ZDBF2: variants seen among roughly 807,000 people sequenced by gnomAD.
ZDBF2 encodes DBF4-type zinc finger-containing protein 2.
In ZDBF2, 6 loss-of-function variants were observed where a neutral mutation model predicts 9.4. That is an observed-to-expected ratio of 0.64 (90% confidence interval 0.35 to 1.27). The LOEUF is 1.27. ZDBF2 is among the 50% of genes most tolerant of loss of function. The pLI is 0.03. For missense variants in ZDBF2, 2,697 were observed against 2,766.8 expected (o/e 0.97, Z 0.57); for synonymous variants, 905 against 946.3 (o/e 0.96, Z 0.80).
intron 3 of ZDBF2, among the ~76,000 whole-genome samples, chr2:206,282,286 AAGATTTTCT>A (rs949990874): frequency 6.6e-6 from 1 of 152,096 alleles, no homozygotes; most frequent in Non-Finnish European, 1.5e-5. Flanking sequence ...TATCTGGGGA[AAGATTTTCT>A]AGGTAGAGGG....
Position 206,310,747 on chromosome 2 carries a change from T to G in ZDBF2, c.6219T>G (p.Phe2073Leu). The G allele has an allele frequency of 6.2e-7, 1 of 1,613,906 alleles. No individual in the cohort carries two copies. The highest frequency in any genetic ancestry group is 8.5e-7 in the Non-Finnish European group (1 of 1,179,880). Residue 2073 changes from phenylalanine (F) to leucine (L), a missense_variant, in exon 5 of 5, where the codon TTT becomes TTG. This residue lies in a region of ZDBF2 where 1,783 missense variants were observed against 1,776.5 expected (regional missense o/e 1.00). Coordinates refer to ENST00000374423, the MANE Select transcript of ZDBF2 (RefSeq NM_020923.3). Reference sequence around the variant, plus strand: ...CCCTGAGTGTAATAGTACCAGAGTTTGAGAGGCGTAACTGGGTTAAAATTC... The same window carrying G: ...CCCTGAGTGTAATAGTACCAGAGTTGGAGAGGCGTAACTGGGTTAAAATTC... ...SPPLSVIVPE[F>L]ERRNWVKIHF...
chr2:206,304,608 C>T, intron 4 of ZDBF2, 109 bp from the exon 5 acceptor site: 3 of 1,352,156 alleles, frequency 2.2e-6, no homozygotes, highest in South Asian at 3.1e-5. Context: ...ATTCCTTGTC[C>T]TTTAAGGATA....
At chr2:206,302,164 A>C (rs1692541213) in intron 4 of ZDBF2, among the ~76,000 whole-genome samples, 1 of 151,860 alleles carries the variant, frequency 6.6e-6, no homozygotes. Flanking sequence ...ATGTACCACC[A>C]TGCCTGGCTT....
intron 1 of ZDBF2, among the ~76,000 whole-genome samples, chr2:206,277,374 G>A (rs1259555232): frequency 6.6e-6 from 1 of 151,196 alleles, no homozygotes; most frequent in African/African-American, 2.4e-5. Context: ...TTCTGCCTAA[G>A]TCATCTGGGT....
intron 4 of ZDBF2, among the ~76,000 whole-genome samples, chr2:206,299,390 G>T (rs1310524202): frequency 6.6e-6 from 1 of 151,928 alleles, no homozygotes; most frequent in Non-Finnish European, 1.5e-5. Context: ...ACCACAGAGG[G>T]CCAGGTGCGG....
chr2:206,276,666 G>C (rs936739555), intron 1 of ZDBF2, among the ~76,000 whole-genome samples: 12 of 152,306 alleles, frequency 7.9e-5, no homozygotes, highest in Middle Eastern at 3.4e-3. Context: ...TGTGAGACCT[G>C]CAACAAGATA....
At chr2:206,297,516 A>T in intron 4 of ZDBF2, 143 bp downstream of exon 4, 1 of 807,436 alleles carries the variant, frequency 1.2e-6, no homozygotes, top group East Asian at 2.9e-5. Context: ...TTTGCAATTT[A>T]AAATTTTTCT....
In ZDBF2 at chr2:206,307,586, A is replaced by G. The variant is rs867417796; in HGVS notation, c.3058A>G (p.Lys1020Glu). 2 of 1,612,936 alleles carry G rather than the reference A, an allele frequency of 1.2e-6. No homozygotes were observed. Among genetic ancestry groups the G allele is most frequent in the African/African-American group, 1.3e-5 (1 of 75,006 alleles). The change falls in exon 5 of 5, where the codon AAA (lysine) becomes GAA (glutamate). Residue 1020 changes from lysine (K) to glutamate (E), a missense_variant. Transcript: ENST00000374423. ...SVTEPQVAVN[K>E]INRKKQYVLE... ...AACTGAACCTCAAGTAGCTGTTAAC[A>G]AAATAAACAGAAAGAAGCAATATGT...
Position 206,311,747 on chromosome 2 carries a change from T to A in ZDBF2, c.*154T>A. 2.5e-6 allele frequency: 2 copies of A among 804,806 alleles called. No homozygotes were observed. The highest frequency in any genetic ancestry group is 3.4e-6 in the Non-Finnish European group (2 of 585,710). The allele number at this position is 804,806 out of a possible 1,614,324, so 49.9% of individuals were successfully genotyped here. ...ATTTTTCAGAATTTTTATATTCATT[T>A]AAAATTAGTGTTTAGAGTCCTTTCA... On this transcript the variant is annotated 3_prime_UTR_variant, in exon 5 of 5. Transcript: ENST00000374423.
chr2:206,306,734 A>G lies in ZDBF2; in HGVS notation c.2206A>G (p.Ile736Val). The change falls in exon 5 of 5, where the codon ATT (isoleucine) becomes GTT (valine). Residue 736 changes from isoleucine (I) to valine (V), a missense_variant. Transcript: ENST00000374423. ...LDEVNLKELN[I>V]DMEVRSYDCS... is the part of the protein sequence containing the mutation. ...TGAAGTAAATCTTAAAGAGTTAAAT[A>G]TTGACATGGAAGTTAGGAGCTATGA... 1 of 1,613,840 alleles carries G rather than the reference A, an allele frequency of 6.2e-7. No individual in the cohort carries two copies. Among genetic ancestry groups the G allele is most frequent in the Non-Finnish European group, 8.5e-7 (1 of 1,179,796 alleles).
At chr2:206,294,993 G>A (rs920514249) in intron 3 of ZDBF2, among the ~76,000 whole-genome samples, 4 of 152,240 alleles carry the variant, frequency 2.6e-5, no homozygotes, top group Admixed American at 1.3e-4. Flanking sequence ...GGAGAGTTTC[G>A]TAGCAGGATT....
chr2:206,297,550 A>G (rs558222136), intron 4 of ZDBF2, among the ~76,000 whole-genome samples, 177 bp downstream of exon 4: 3 of 152,240 alleles, frequency 2.0e-5, no homozygotes, highest in East Asian at 1.9e-4. Context: ...AAATTTCACT[A>G]CAGAAGATAT....
intron 3 of ZDBF2, among the ~76,000 whole-genome samples, chr2:206,283,504 A>G (rs188172685): frequency 2.0e-5 from 3 of 151,784 alleles, no homozygotes; most frequent in Non-Finnish European, 1.5e-5. Context: ...GGGCATTTGT[A>G]TATCTTGTTT....
rs779905361 is a variant in ZDBF2, at chr2:206,310,372, C to T, written c.5844C>T (p.Thr1948=). ...CGAAAATCAGCCATAGTACTCAGAC[C>T]AGTTGTAAGAATTACCCAGTGATGA... is the stretch of plus-strand genomic sequence containing the variant. ...QTAKISHSTQ[T]SCKNYPVMKR... Residue 1948 remains threonine (T), a synonymous_variant, in exon 5 of 5, where the codon ACC becomes ACT. Coordinates refer to ENST00000374423, the MANE Select transcript of ZDBF2 (RefSeq NM_020923.3). 3.7e-6 allele frequency: 6 copies of T among 1,613,844 alleles called. No homozygotes were observed. In the East Asian group the frequency reaches 6.7e-5, roughly 18 times the overall value.
In ZDBF2 at chr2:206,307,745, A is replaced by G. The variant is rs561782755; in HGVS notation, c.3217A>G (p.Ser1073Gly). The change falls in exon 5 of 5, where the codon AGT (serine) becomes GGT (glycine). Residue 1073 changes from serine to glycine, a missense_variant. Physicochemically the swap from Ser to Gly is moderately conservative, Grantham distance 56. This residue lies in a region of ZDBF2 where 1,783 missense variants were observed against 1,776.5 expected (regional missense o/e 1.00). Coordinates refer to ENST00000374423, the MANE Select transcript of ZDBF2 (RefSeq NM_020923.3). ...ACATGTTAATCTGAAGGACAAAAAC[A>G]GTAAATCAGGTGATTCTAAAATAAC... is the stretch of plus-strand genomic sequence containing the variant. ...EKHVNLKDKNSKSGDSKITFD... is the reference protein window; with the variant it reads ...EKHVNLKDKNGKSGDSKITFD... 2.5e-6 allele frequency: 4 copies of G among 1,613,112 alleles called. No individual in the cohort carries two copies. The highest frequency in any genetic ancestry group is 2.2e-5 in the East Asian group (1 of 44,856).
Position 206,305,589 on chromosome 2 carries a change from G to C in ZDBF2, c.1061G>C (p.Trp354Ser). 6.2e-7 allele frequency: 1 copy of C among 1,613,798 alleles called. No individual in the cohort carries two copies. Among genetic ancestry groups the C allele is most frequent in the Non-Finnish European group, 8.5e-7 (1 of 1,179,802 alleles). The stretch of plus-strand genomic sequence containing the variant: ...TTGGTTTTTAACAAGACAGCCTTTT[G>C]GGAACAGAAGTGCTCAGTGAGTTCT... ...KHLVFNKTAFWEQKCSVSSEM... is the reference protein window; with the variant it reads ...KHLVFNKTAFSEQKCSVSSEM... Residue 354 changes from tryptophan (W) to serine (S), a missense_variant, in exon 5 of 5, where the codon TGG becomes TCG. Transcript: ENST00000374423.
intron 4 of ZDBF2, among the ~76,000 whole-genome samples, chr2:206,301,335 T>C (rs951861621): frequency 6.6e-6 from 1 of 152,188 alleles, no homozygotes; most frequent in South Asian, 2.1e-4. Flanking sequence ...ATTAAAATTT[T>C]TGATTTAATC....
intron 3 of ZDBF2, among the ~76,000 whole-genome samples, chr2:206,293,580 A>C (rs963096324): frequency 2.0e-5 from 3 of 152,230 alleles, no homozygotes; most frequent in Admixed American, 2.0e-4. Context: ...ACAAGTCCAT[A>C]AGGAAGAGAC....
chr2:206,305,816 C>A lies in ZDBF2; in HGVS notation c.1288C>A (p.Leu430Ile), dbSNP rs1692754726. 6.2e-7 allele frequency: 1 copy of A among 1,613,398 alleles called. No individual in the cohort carries two copies. Among genetic ancestry groups the A allele is most frequent in the South Asian group, 1.1e-5 (1 of 91,038 alleles). ...TAAAGTGAGTGCCAAAGAAGTAAAC[C>A]TTTCCAAGGAAGTACGTACTGATGT... ...QSKVSAKEVNLSKEVRTDVQY... is the reference protein window; with the variant it reads ...QSKVSAKEVNISKEVRTDVQY... Residue 430 changes from leucine to isoleucine, a missense_variant, in exon 5 of 5, where the codon CTT (leucine) becomes ATT (isoleucine). Physicochemically the swap from Leu to Ile is conservative, Grantham distance 5 (BLOSUM62 2). Transcript: ENST00000374423.
Sources: allele counts gnomAD v4.1 joint callset (sites outside exome capture counted in the v4.1 genomes callset), GRCh38; gene constraint gnomAD v4.1.1; regional missense constraint gnomAD v4.1.1; transcripts MANE v1.5; gene names NCBI Gene and HGNC (gene_info 2026-07-23, HGNC 2026-07-21).